NOC4L: variants seen among roughly 807,000 people sequenced by gnomAD.
NOC4L encodes nucleolar complex protein 4 homolog.
A neutral mutation model predicts 62.8 loss-of-function variants in NOC4L; 40 were observed. The observed-to-expected ratio is 0.64, with a 90% CI of 0.49 to 0.83. The LOEUF is 0.83. Among genes scored for constraint, NOC4L ranks in the 40% least tolerant of loss-of-function variants. The pLI is 0.00. For synonymous variants in NOC4L, 433 were observed against 299.8 expected (o/e 1.44, Z -4.59); for missense variants, 927 against 701.9 (o/e 1.32, Z -3.62).
chr12:132,146,385 C>T (rs1051767728), intron 3 of NOC4L: 4 of 452,676 alleles, frequency 8.8e-6, no homozygotes, highest in Non-Finnish European at 1.8e-5. Flanking sequence ...TGGGCATTTG[C>T]GTCGTTTCCA....
chr12:132,148,145 TG>T (rs750604130), intron 7 of NOC4L, 39 bp downstream of exon 7: 40 of 1,608,840 alleles, frequency 2.5e-5, no homozygotes, highest in Non-Finnish European at 3.2e-5. Context: ...CTCCCGGGTT[TG>T]GGGGTGTGTG....
rs543009742 is a variant in NOC4L, at chr12:132,152,041, G to A, written c.1318-43G>A. ...GAGGCCATGGCTGGGGGCACAGGGCGGGGGCCTGGGGCAGCTGCCTCTTAA... is the reference window on the plus strand; with the variant it reads ...GAGGCCATGGCTGGGGGCACAGGGCAGGGGCCTGGGGCAGCTGCCTCTTAA... On this transcript the variant is annotated intron_variant, in intron 13 of 14. Transcript: ENST00000330579. The A allele has an allele frequency of 2.3e-5, 35 of 1,516,862 alleles. 1 individual carries two copies. The highest frequency in any genetic ancestry group is 7.0e-5 in the African/African-American group (5 of 71,606). The allele number at this position is 1,516,862 out of a possible 1,614,324, so 94.0% of individuals were successfully genotyped here. A position where few individuals can be genotyped will look rare whatever the true frequency, so the allele number is the denominator to read the frequency against.
rs773309570 is a variant in NOC4L at position 132,151,047 on chromosome 12, T to A, written c.962+6T>A. 1 of 1,609,402 alleles carries A rather than the reference T, an allele frequency of 6.2e-7. No individual in the cohort carries two copies. Among genetic ancestry groups the A allele is most frequent in the Non-Finnish European group, 8.5e-7 (1 of 1,178,032 alleles). ...TTGATTCACAAACACAACCTGTGAG[T>A]GTCACCAGGGGTGCAGGTCTTCTTC... On this transcript the variant is annotated splice_donor_region_variant and intron_variant, in intron 10 of 14. Coordinates refer to ENST00000330579, the MANE Select transcript of NOC4L (RefSeq NM_024078.3).
In NOC4L at chr12:132,148,689, G is replaced by A. The variant is rs971513456; in HGVS notation, c.789+30G>A. 7.8e-6 allele frequency: 12 copies of A among 1,530,736 alleles called. No individual in the cohort carries two copies. In the Admixed American group the frequency reaches 1.6e-4, roughly 20 times the overall value. 94.8% of individuals were successfully genotyped at this position (1,530,736 alleles called of 1,614,324 possible). On this transcript the variant is annotated intron_variant, in intron 8 of 14. Transcript: ENST00000330579. ...GGGCCAGGCCGGGGAGGGGGCGGGG[G>A]CGGCATCCGGGTCTCCCCCAGGGCG...
chr12:132,145,500 TG>T, intron 2 of NOC4L, 58 bp from the exon 3 acceptor site: 2 of 1,168,346 alleles, frequency 1.7e-6, no homozygotes, highest in Non-Finnish European at 2.5e-6. Context: ...GATTTTGGGC[TG>T]GGCCCAGGGT....
chr12:132,148,016 G>A, intron 6 of NOC4L, 37 bp downstream of exon 6: 1 of 1,612,914 alleles, frequency 6.2e-7, no homozygotes, highest in African/African-American at 1.3e-5. Context: ...ACAGGGCTGA[G>A]CCTTGGTCTG....
intron 2 of NOC4L, 108 bp from the exon 3 acceptor site, chr12:132,145,451 G>A (rs1286063057): frequency 2.9e-6 from 2 of 696,490 alleles, no homozygotes; most frequent in East Asian, 2.7e-5. Flanking sequence ...ACCTGCGGAG[G>A]CTGAGTAGAA....
chr12:132,148,405 C>T (rs564653426), intron 7 of NOC4L, among the ~76,000 whole-genome samples: 16 of 152,342 alleles, frequency 1.1e-4, no homozygotes, highest in African/African-American at 3.6e-4. Flanking sequence ...CTTGCCAAAG[C>T]TGCTTTCTTG....
rs946364695 is a variant in NOC4L, at chr12:132,148,712, G to A, written c.789+53G>A. On this transcript the variant is annotated intron_variant, in intron 8 of 14. Transcript: ENST00000330579. ...GGGCGGCATCCGGGTCTCCCCCAGG[G>A]CGGAGGCCTCACCCCGACCCGCCGG... 10 of 1,510,050 alleles carry A rather than the reference G, an allele frequency of 6.6e-6. No homozygotes were observed. The African/African-American group carries it at 1.3e-4, about 19-fold the overall frequency. The allele number at this position is 1,510,050 out of a possible 1,614,324, so 93.5% of individuals were successfully genotyped here.
At position 132,148,126 on chromosome 12, in the gene NOC4L, C is replaced by T; in HGVS notation, c.738+20C>T. ...CTGAAGGTGAGTTGCTTCTGGAGAG[C>T]CGGGCACCCTCCCGGGTTTGGGGGT... is the stretch of plus-strand genomic sequence containing the variant. On this transcript the variant is annotated intron_variant, in intron 7 of 14. Transcript: ENST00000330579. 2 of 1,612,662 alleles carry T rather than the reference C, an allele frequency of 1.2e-6. No homozygotes were observed. The highest frequency in any genetic ancestry group is 1.7e-6 in the Non-Finnish European group (2 of 1,179,728).
Position 132,147,378 on chromosome 12 carries a change from A to C in NOC4L, c.443A>C (p.Glu148Ala), listed in dbSNP as rs147656024. ...KWEGNYLFPR[E>A]LFKLVVGGLL... Reference sequence around the variant, plus strand: ...GAAGGCAACTACCTGTTCCCCCGAGAGCTCTTCAAGGTGAGGGCCTTGCTG... The same window carrying C: ...GAAGGCAACTACCTGTTCCCCCGAGCGCTCTTCAAGGTGAGGGCCTTGCTG... The change falls in exon 4 of 15, where the codon GAG becomes GCG. Residue 148 changes from glutamate (E) to alanine (A), a missense_variant. Coordinates refer to ENST00000330579, the MANE Select transcript of NOC4L (RefSeq NM_024078.3). 6.3e-7 allele frequency: 1 copy of C among 1,590,216 alleles called. No homozygotes were observed. The highest frequency in any genetic ancestry group is 8.6e-7 in the Non-Finnish European group (1 of 1,167,908).
chr12:132,150,939 GC>G, intron 9 of NOC4L, 41 bp from the exon 10 acceptor site: 1 of 1,477,348 alleles, frequency 6.8e-7, no homozygotes, highest in Non-Finnish European at 9.3e-7. Context: ...TAGGGTGGGA[GC>G]GAGGTCACTG....
chr12:132,144,788 G>T (rs1243015345), intron 1 of NOC4L, 66 bp from the exon 2 acceptor site: 2 of 1,552,590 alleles, frequency 1.3e-6, no homozygotes, highest in African/African-American at 2.7e-5. Flanking sequence ...ACGGGTTGGG[G>T]GCAGCCTAGG....
chr12:132,147,289 C>T lies in NOC4L; in HGVS notation c.354C>T (p.Ala118=). The part of the protein sequence containing the change: ...GHPSFQVKEL[A]LSALLKFVQL... ...CACTGCCCCCTTCCCAGGAGCTGGC[C>T]CTCAGCGCACTCCTGAAGTTCGTGC... Residue 118 remains alanine (A), a synonymous_variant, in exon 4 of 15, where the codon GCC becomes GCT. Transcript: ENST00000330579. The T allele has an allele frequency of 1.3e-6, 2 of 1,551,330 alleles. No homozygotes were observed. Among genetic ancestry groups the T allele is most frequent in the South Asian group, 2.4e-5 (2 of 84,104 alleles).
At chr12:132,145,210 C>G (rs1384687074) in intron 2 of NOC4L, among the ~76,000 whole-genome samples, 2 of 152,182 alleles carry the variant, frequency 1.3e-5, no homozygotes, top group Non-Finnish European at 2.9e-5. Flanking sequence ...GCTTTGCACC[C>G]CTTTTGTAAT....
Position 132,145,930 on chromosome 12 carries a change from G to A in NOC4L, c.345+265G>A, listed in dbSNP as rs770534317. On this transcript the variant is annotated intron_variant, in intron 3 of 14. Coordinates refer to ENST00000330579, the MANE Select transcript of NOC4L (RefSeq NM_024078.3). ...GCATAGAGCACGCACACCAAGCCTC[G>A]TGCCAGTCCACAGATGTGTTTGCTC... is the stretch of plus-strand genomic sequence containing the variant. Among the ~76,000 whole-genome samples, 23 of 152,146 alleles carry A rather than the reference G, an allele frequency of 1.5e-4. 1 individual carries two copies. The highest frequency in any genetic ancestry group is 3.9e-4 in the Admixed American group (6 of 15,262).
At chr12:132,148,242 C>G (rs770320754) in intron 7 of NOC4L, 136 bp downstream of exon 7, 11 of 887,134 alleles carry the variant, frequency 1.2e-5, no homozygotes, top group Non-Finnish European at 1.8e-5. Context: ...TGCACGGCCA[C>G]CAGGTCACTC....
chr12:132,148,478 G>C, intron 7 of NOC4L, 131 bp from the exon 8 acceptor site: 1 of 991,274 alleles, frequency 1.0e-6, no homozygotes, highest in South Asian at 1.5e-5. Flanking sequence ...ACAGGAAGAA[G>C]GAAGGCAGGG....
In NOC4L at chr12:132,145,580, A is replaced by C. The variant is rs1288106015; in HGVS notation, c.260A>C (p.Lys87Thr). The C allele has an allele frequency of 6.2e-7, 1 of 1,612,678 alleles. No individual in the cohort carries two copies. Among genetic ancestry groups the C allele is most frequent in the East Asian group, 2.2e-5 (1 of 44,884 alleles). The change falls in exon 3 of 15, where the codon AAG becomes ACG. Residue 87 changes from lysine (K) to threonine (T), a missense_variant. Coordinates refer to ENST00000330579, the MANE Select transcript of NOC4L (RefSeq NM_024078.3). Reference protein sequence around the residue: ...VMTGSQGATRKYKVWMRHRYH... With the variant: ...VMTGSQGATRTYKVWMRHRYH... ...GCAGGGTCCCAGGGAGCCACACGGA[A>C]GTACAAGGTGTGGATGAGACACCGC...
Sources: allele counts gnomAD v4.1 joint callset (sites outside exome capture counted in the v4.1 genomes callset), GRCh38; gene constraint gnomAD v4.1.1; transcripts MANE v1.5; gene names NCBI Gene and HGNC (gene_info 2026-07-23, HGNC 2026-07-21).